Variants in LPCAT1 observed in about 807,000 individuals in gnomAD.
LPCAT1 encodes 1-acylglycerol-3-phosphate O-acyltransferase.
A neutral mutation model predicts 60.9 loss-of-function variants in LPCAT1; 23 were observed. That is an observed-to-expected ratio of 0.38 (90% CI 0.27 to 0.53). The LOEUF is 0.53. Among genes scored for constraint, LPCAT1 ranks in the 20% least tolerant of loss-of-function variants. The pLI is 0.82. For missense variants in LPCAT1, 622 were observed against 723.6 expected (o/e 0.86, Z 1.61); for synonymous variants, 340 against 301.1 (o/e 1.13, Z -1.34).
chr5:1,485,422 C>CA (rs1244576711), intron 5 of LPCAT1, among the ~76,000 whole-genome samples: 1 of 152,210 alleles, frequency 6.6e-6, no homozygotes, highest in African/African-American at 2.4e-5. Context: ...ATGAGGCAGT[C>CA]AGAGCCCAGG....
Position 1,494,796 on chromosome 5 carries a change from C to T in LPCAT1, c.397G>A (p.Ala133Thr). ...GCGTCGAAGTAGGACGAGTGAGGCG[C>T]GAGCGTGAGGATGGCCGCCTCGGTG... ...LPTEAAILTL[A>T]PHSSYFDAIP... is the part of the protein sequence containing the mutation. The change falls in exon 3 of 14, where the codon GCG becomes ACG. Residue 133 changes from alanine (A) to threonine (T), a missense_variant. This residue lies in a region of LPCAT1 where 209 missense variants were observed against 325.5 expected (regional missense o/e 0.64). Coordinates refer to ENST00000283415, the MANE Select transcript of LPCAT1 (RefSeq NM_024830.5). The T allele has an allele frequency of 6.2e-7, 1 of 1,614,122 alleles. No individual in the cohort carries two copies. Among genetic ancestry groups the T allele is most frequent in the Non-Finnish European group, 8.5e-7 (1 of 1,180,006 alleles).
chr5:1,488,911 G>A (rs561639079), intron 4 of LPCAT1, among the ~76,000 whole-genome samples: 6 of 152,384 alleles, frequency 3.9e-5, no homozygotes, highest in African/African-American at 1.4e-4. Context: ...GCAACGGGCT[G>A]GATGAGCAGG....
At position 1,461,557 on chromosome 5, in the gene LPCAT1, G is replaced by A. The variant is rs2126444347; in HGVS notation, c.*2094C>T. 6.5e-6 allele frequency: 1 copy of A among 152,680 alleles called. No individual in the cohort carries two copies. Among genetic ancestry groups the A allele is most frequent in the East Asian group, 1.9e-4 (1 of 5,190 alleles). The allele number at this position is 152,680 out of a possible 1,614,324, so 9.5% of individuals were successfully genotyped here. A position where few individuals can be genotyped will look rare whatever the true frequency, so the allele number is the denominator to read the frequency against. ...GGGCCCATGCCCCACCTGCCCACGGGTCTGGCCCCCAGGCCACCAGGGGCC... is the reference window on the plus strand; with the variant it reads ...GGGCCCATGCCCCACCTGCCCACGGATCTGGCCCCCAGGCCACCAGGGGCC... On this transcript the variant is annotated 3_prime_UTR_variant, in exon 14 of 14. Coordinates refer to ENST00000283415, the MANE Select transcript of LPCAT1 (RefSeq NM_024830.5).
At chr5:1,516,206 C>T (rs963048101) in intron 1 of LPCAT1, among the ~76,000 whole-genome samples, 5 of 152,208 alleles carry the variant, frequency 3.3e-5, no homozygotes, top group African/African-American at 9.7e-5. Context: ...ATGGCACAGG[C>T]GCCACGTGGT....
chr5:1,484,637 A>G (rs1735301871), intron 5 of LPCAT1, among the ~76,000 whole-genome samples: 1 of 152,156 alleles, frequency 6.6e-6, no homozygotes, highest in Admixed American at 6.5e-5. Flanking sequence ...GGCTGCCAGG[A>G]GCATCTGTCC....
At chr5:1,488,974 T>C (rs1032751) in intron 4 of LPCAT1, among the ~76,000 whole-genome samples, 60,865 of 152,180 alleles carry the variant, frequency 0.4, 12,473 homozygotes, top group East Asian at 0.47. Context: ...TCAATTCCTC[T>C]GACTCACACT....
chr5:1,500,914 A>G (rs1270413493), intron 2 of LPCAT1, among the ~76,000 whole-genome samples: 1 of 152,190 alleles, frequency 6.6e-6, no homozygotes, highest in Non-Finnish European at 1.5e-5. Flanking sequence ...CTGCCTCTGC[A>G]TGGGGGCCAC....
rs550018700 is a variant in LPCAT1, at chr5:1,513,696, G to A, written c.135+10014C>T. ...TCACCCGTGGGGCGGGACACCCTGC[G>A]ATTACATTTCCTCCATTTCCACAGG... On this transcript the variant is annotated intron_variant, in intron 1 of 13. Transcript: ENST00000283415. 4.6e-5 allele frequency among the ~76,000 whole-genome samples: 7 copies of A among 150,882 alleles called. No individual in the cohort carries two copies. In the South Asian group the frequency reaches 1.3e-3, roughly 27 times the overall value.
In LPCAT1 at chr5:1,480,290, C is replaced by T. The variant is rs1230889623; in HGVS notation, c.762-615G>A. ...AGCCTCCACACGCCAGCCTGGGAAGCGCTGACCTCAACACCTTCACCTGAA... is the reference window on the plus strand; with the variant it reads ...AGCCTCCACACGCCAGCCTGGGAAGTGCTGACCTCAACACCTTCACCTGAA... On this transcript the variant is annotated intron_variant, in intron 7 of 13. Transcript: ENST00000283415. The surrounding 1 kb of genome is among the most constrained non-coding windows in gnomAD (Gnocchi z 6.4). The T allele has an allele frequency of 3.1e-6, 3 of 980,512 alleles. No homozygotes were observed. The highest frequency in any genetic ancestry group is 1.1e-4 in the East Asian group (1 of 8,724). 60.7% of individuals were successfully genotyped at this position (980,512 alleles called of 1,614,324 possible).
Position 1,496,821 on chromosome 5 carries a change from G to T in LPCAT1, c.279-1907C>A, listed in dbSNP as rs962129429. Among the ~76,000 whole-genome samples, 11 of 152,220 alleles carry T rather than the reference G, an allele frequency of 7.2e-5. No homozygotes were observed. Among genetic ancestry groups the T allele is most frequent in the Non-Finnish European group, 1.3e-4 (9 of 68,034 alleles). On this transcript the variant is annotated intron_variant, in intron 2 of 13. Coordinates refer to ENST00000283415, the MANE Select transcript of LPCAT1 (RefSeq NM_024830.5). This position sits in a 1 kb window ranked among gnomAD's most constrained non-coding sequence, Gnocchi z 4.7. ...AGAGAAAAGCTCCGCTTGCTGTGGG[G>T]TTGGGGACCCAGCACCCACTCACCC...
At chr5:1,514,234 C>T (rs1023531480) in intron 1 of LPCAT1, among the ~76,000 whole-genome samples, 1 of 152,196 alleles carries the variant, frequency 6.6e-6, no homozygotes, top group Non-Finnish European at 1.5e-5. Context: ...ACAAGGGGCC[C>T]GGCACAGGCC....
intron 2 of LPCAT1, among the ~76,000 whole-genome samples, chr5:1,499,838 C>A (rs987234821): frequency 1.3e-5 from 2 of 152,244 alleles, no homozygotes; most frequent in African/African-American, 4.8e-5. Flanking sequence ...GAGTGTGGCC[C>A]TGGGTATCAA....
chr5:1,480,225 T>C lies in LPCAT1; in HGVS notation c.762-550A>G. On this transcript the variant is annotated intron_variant, in intron 7 of 13. Coordinates refer to ENST00000283415, the MANE Select transcript of LPCAT1 (RefSeq NM_024830.5). The surrounding 1 kb of genome is among the most constrained non-coding windows in gnomAD (Gnocchi z 6.4). ...GGCCCCCGGGACCCCAGAACCCCTA[T>C]ACCCCCCAGAGCCCCCTCCCAGCTC... 2.7e-6 allele frequency: 1 copy of C among 374,816 alleles called. No individual in the cohort carries two copies. The highest frequency in any genetic ancestry group is 2.3e-5 in the African/African-American group (1 of 44,202). The allele number at this position is 374,816 out of a possible 1,614,324, so 23.2% of individuals were successfully genotyped here. A position where few individuals can be genotyped will look rare whatever the true frequency, so the allele number is the denominator to read the frequency against.
Position 1,488,439 on chromosome 5 carries a change from GA to G in LPCAT1, c.618del (p.Pro207GlnfsTer11). 6.3e-7 allele frequency: 1 copy of G among 1,599,494 alleles called. No individual in the cohort carries two copies. The highest frequency in any genetic ancestry group is 8.5e-7 in the Non-Finnish European group (1 of 1,172,324). Reference sequence around the variant, plus strand: ...GTCCTGTTTGTACAAGTTCCTTCTGGAAAAATCATTATCTGGAAGTGGGAGA... The same window carrying G: ...GTCCTGTTTGTACAAGTTCCTTCTGGAAAATCATTATCTGGAAGTGGGAGA... ...SNGKWPQIMI[F>X]PEGTCTNRTC... On this transcript the variant is annotated frameshift_variant, in exon 5 of 14. Transcript: ENST00000283415. LOFTEE classifies it high-confidence loss of function.
intron 1 of LPCAT1, among the ~76,000 whole-genome samples, chr5:1,503,941 C>T (rs1736104364): frequency 6.6e-6 from 1 of 152,228 alleles, no homozygotes; most frequent in African/African-American, 2.4e-5. Context: ...GCCAAAACTT[C>T]TAAACCTACG....
chr5:1,494,589 G>A (rs1579792625), intron 3 of LPCAT1, 111 bp downstream of exon 3: 2 of 1,028,830 alleles, frequency 1.9e-6, no homozygotes, highest in East Asian at 2.6e-5. Flanking sequence ...CCCAACAGAG[G>A]GGGGACCCTC....
intron 12 of LPCAT1, among the ~76,000 whole-genome samples, chr5:1,469,518 T>A (rs1412271947): frequency 6.6e-6 from 1 of 152,224 alleles, no homozygotes; most frequent in East Asian, 1.9e-4. Flanking sequence ...GGCTCATGCC[T>A]GTAATCCCAG....
chr5:1,472,707 C>T (rs192782351), intron 11 of LPCAT1, among the ~76,000 whole-genome samples: 97 of 151,764 alleles, frequency 6.4e-4, no homozygotes, highest in East Asian at 4.3e-3. Flanking sequence ...TGAGTGCAAA[C>T]GCAGCTGCAG....
intron 2 of LPCAT1, among the ~76,000 whole-genome samples, chr5:1,498,415 G>A (rs533448119): frequency 3.3e-5 from 5 of 152,288 alleles, no homozygotes; most frequent in African/African-American, 1.2e-4. Context: ...CTCCAGGGGT[G>A]GGATTCAATG....
Sources: gnomAD v4.1 joint callset for allele counts (sites outside exome capture counted in the v4.1 genomes callset) on GRCh38, gnomAD v4.1.1 for gene constraint, gnomAD v4.1.1 regional missense constraint, Gnocchi (gnomAD v3.1) non-coding constraint, MANE v1.5 for transcripts, NCBI Gene and HGNC (gene_info 2026-07-23, HGNC 2026-07-21) for gene names.